Variants in SLC35F2 observed in about 807,000 individuals in gnomAD.
SLC35F2 encodes queuine/queuosine transporter SLC35F2.
In SLC35F2, 25 loss-of-function variants were observed where a neutral mutation model predicts 38.1. That is an observed-to-expected ratio of 0.66 (90% CI 0.48 to 0.92). The LOEUF is 0.92. Among genes scored for constraint, SLC35F2 ranks in the 40% least tolerant of loss-of-function variants. SLC35F2 has a pLI of 0.00. For synonymous variants in SLC35F2, 173 were observed against 181.7 expected (o/e 0.95, Z 0.38); for missense variants, 409 against 452.9 (o/e 0.90, Z 0.88).
intron 4 of SLC35F2, among the ~76,000 whole-genome samples, chr11:107,805,900 C>A (rs1366752761): frequency 6.6e-6 from 1 of 152,214 alleles, no homozygotes; most frequent in African/African-American, 2.4e-5. Context: ...CTCACCTTGG[C>A]CTCCCAAAGT....
intron 1 of SLC35F2, among the ~76,000 whole-genome samples, chr11:107,830,280 T>C (rs1456655438): frequency 6.6e-6 from 1 of 152,098 alleles, no homozygotes; most frequent in East Asian, 1.9e-4. Flanking sequence ...TTTAAAAACA[T>C]TATCCTAAGA....
intron 7 of SLC35F2, among the ~76,000 whole-genome samples, chr11:107,802,242 A>AAAAAAAATAATAAATAAAT: frequency 6.8e-6 from 1 of 147,892 alleles, no homozygotes; most frequent in South Asian, 2.1e-4. Context: ...CATCTCAAAA[A>AAAAAAAATAATAAATAAAT]AAATAAATAA....
At chr11:107,801,031 A>G (rs12361607) in intron 7 of SLC35F2, among the ~76,000 whole-genome samples, 558 of 147,050 alleles carry the variant, frequency 3.8e-3, no homozygotes, top group Middle Eastern at 0.011. Context: ...CGGCTTCCCG[A>G]GTAGCTGGGA....
At chr11:107,848,754 A>G (rs1001154654) in intron 1 of SLC35F2, among the ~76,000 whole-genome samples, 1 of 152,158 alleles carries the variant, frequency 6.6e-6, no homozygotes, top group East Asian at 1.9e-4. Flanking sequence ...CAATAGCAGC[A>G]CACCCTGGTG....
intron 7 of SLC35F2, among the ~76,000 whole-genome samples, chr11:107,796,545 T>C (rs1221979940): frequency 1.2e-4 from 18 of 152,226 alleles, no homozygotes; most frequent in Admixed American, 1.2e-3. Context: ...AAATAGTGCA[T>C]GTTTCACTCA....
Position 107,815,200 on chromosome 11 carries a change from C to A in SLC35F2, c.286+590G>T. Among the ~76,000 whole-genome samples, 3 of 151,704 alleles carry A rather than the reference C, an allele frequency of 2.0e-5. No individual in the cohort carries two copies. The East Asian group carries it at 5.8e-4, about 29-fold the overall frequency. ...TGACTTTAAGTGTTTTTAATATCAT[C>A]TTAATATTTTAAAATATTTTTAAAA... On this transcript the variant is annotated intron_variant, in intron 2 of 7. Coordinates refer to ENST00000525815, the MANE Select transcript of SLC35F2 (RefSeq NM_017515.5).
At chr11:107,811,006 G>A in intron 3 of SLC35F2, 8 of 984,728 alleles carry the variant, frequency 8.1e-6, no homozygotes, top group Non-Finnish European at 9.6e-6. Context: ...ATCTAAACCT[G>A]GCATTTGAGT....
chr11:107,844,509 C>A (rs1860069934), intron 1 of SLC35F2, among the ~76,000 whole-genome samples: 1 of 128,256 alleles, frequency 7.8e-6, no homozygotes, highest in African/African-American at 2.9e-5. Context: ...CCTGTAATCC[C>A]AGCTACTCAG....
At chr11:107,804,323 G>A (rs569866303) in intron 6 of SLC35F2, among the ~76,000 whole-genome samples, 103 of 152,124 alleles carry the variant, frequency 6.8e-4, no homozygotes, top group African/African-American at 2.4e-3. Context: ...CAGATGACAG[G>A]AGCAATGGGA....
Position 107,799,867 on chromosome 11 carries a change from C to CT in SLC35F2, c.939+3133dup, listed in dbSNP as rs771657190. 7.6e-4 allele frequency among the ~76,000 whole-genome samples: 108 copies of CT among 142,872 alleles called. 1 individual carries two copies. In the East Asian group the frequency reaches 0.014, roughly 18 times the overall value. The allele number at this position is 142,872 out of a possible 152,430, so 93.7% of individuals were successfully genotyped here. On this transcript the variant is annotated intron_variant, in intron 7 of 7. Coordinates refer to ENST00000525815, the MANE Select transcript of SLC35F2 (RefSeq NM_017515.5). ...AGCCCCTGTGCCCGGCACACTTTGG[C>CT]TTTTTTTTTGTTTTTGTTTGTTTTT...
rs1217995167 is a variant in SLC35F2, at chr11:107,815,871, C to G, written c.205G>C (p.Val69Leu). Reference protein sequence around the residue: ...TSQYLAERYKVNTPMLQSFIN... With the variant: ...TSQYLAERYKLNTPMLQSFIN... ...AAGCTCTGAAGCATGGGGGTGTTCA[C>G]TTTGTATCTTTCTGCCAAATACTGG... is the stretch of plus-strand genomic sequence containing the variant. The change falls in exon 2 of 8, where the codon GTG becomes CTG. Residue 69 changes from valine (V) to leucine (L), a missense_variant. By Grantham distance (32) the Val-to-Leu change is conservative. Coordinates refer to ENST00000525815, the MANE Select transcript of SLC35F2 (RefSeq NM_017515.5). The G allele has an allele frequency of 1.2e-6, 2 of 1,614,046 alleles. No homozygotes were observed. The highest frequency in any genetic ancestry group is 2.2e-5 in the South Asian group (2 of 91,070).
Position 107,811,706 on chromosome 11 carries a change from G to A in SLC35F2, c.375C>T (p.Ile125=), listed in dbSNP as rs773395067. The change falls in exon 3 of 8, where the codon ATC becomes ATT. Residue 125 remains isoleucine (I), a synonymous_variant. Coordinates refer to ENST00000525815, the MANE Select transcript of SLC35F2 (RefSeq NM_017515.5). ...GAGTTGTGTACTGGTAGGCTCTGAC[G>A]ATCACATAATTAGCTTCCACATCTG... ...GLADVEANYV[I]VRAYQYTTLT... 14 of 1,613,792 alleles carry A rather than the reference G, an allele frequency of 8.7e-6. No homozygotes were observed. The South Asian group carries it at 8.8e-5, about 10-fold the overall frequency.
intron 1 of SLC35F2, among the ~76,000 whole-genome samples, chr11:107,818,128 G>GA (rs1179955063): frequency 1.4e-5 from 2 of 141,322 alleles, no homozygotes; most frequent in Non-Finnish European, 3.1e-5. Context: ...AAGAAAGAAA[G>GA]AAAGAAAAAG....
intron 3 of SLC35F2, chr11:107,811,333 A>C (rs760491995): frequency 1.1e-4 from 84 of 783,676 alleles, no homozygotes; most frequent in Non-Finnish European, 1.2e-4. Flanking sequence ...TATAGAACAA[A>C]GGTATACTTT....
chr11:107,840,111 C>T (rs1253170371), intron 1 of SLC35F2, among the ~76,000 whole-genome samples: 1 of 152,158 alleles, frequency 6.6e-6, no homozygotes, highest in Non-Finnish European at 1.5e-5. Context: ...ATCCTCCCTC[C>T]CCACAACTCT....
At chr11:107,793,149 T>A (rs1565425376) in intron 7 of SLC35F2, among the ~76,000 whole-genome samples, 2 of 152,160 alleles carry the variant, frequency 1.3e-5, no homozygotes, top group Non-Finnish European at 2.9e-5. Context: ...ACACCTGAGC[T>A]CAAGCAATCC....
chr11:107,810,480 T>C (rs1156328384), intron 3 of SLC35F2: 1 of 984,268 alleles, frequency 1.0e-6, no homozygotes, highest in African/African-American at 1.7e-5. Context: ...GACAAGAAAA[T>C]ACCATTTTCT....
At chr11:107,835,810 G>A (rs1236069753) in intron 1 of SLC35F2, among the ~76,000 whole-genome samples, 1 of 152,090 alleles carries the variant, frequency 6.6e-6, no homozygotes, top group Non-Finnish European at 1.5e-5. Flanking sequence ...CTGTCCTCAT[G>A]GAATTCACAA....
At chr11:107,806,433 A>G (rs374893907) in intron 4 of SLC35F2, among the ~76,000 whole-genome samples, 2 of 152,228 alleles carry the variant, frequency 1.3e-5, no homozygotes, top group Admixed American at 6.5e-5. Context: ...TCACTTGTAG[A>G]CTGGGTGAAT....
Sources: gnomAD v4.1 joint callset for allele counts (sites outside exome capture counted in the v4.1 genomes callset) on GRCh38, gnomAD v4.1.1 for gene constraint, MANE v1.5 for transcripts, NCBI Gene and HGNC (gene_info 2026-07-23, HGNC 2026-07-21) for gene names.